Variants in NDUFAF6 observed in about 807,000 individuals in gnomAD.
The protein encoded by NDUFAF6 is NADH:ubiquinone oxidoreductase complex assembly factor 6.
NDUFAF6 carries 45 observed loss-of-function variants against 40.8 expected under a neutral mutation model. The observed-to-expected ratio is 1.10, with a 90% CI of 0.87 to 1.42. The LOEUF (loss-of-function observed/expected upper bound fraction) is 1.42. NDUFAF6 is among the 40% of genes most tolerant of loss of function. The pLI, the probability that NDUFAF6 is intolerant of heterozygous loss-of-function variation, is 0.00. For missense variants in NDUFAF6, 435 were observed against 418.5 expected (o/e 1.04, Z -0.34); for synonymous variants, 185 against 155.9 (o/e 1.19, Z -1.39).
chr8:94,922,383 C>T (rs1819562919), intron 1 of NDUFAF6, among the ~76,000 whole-genome samples: 1 of 152,008 alleles, frequency 6.6e-6, no homozygotes, highest in Admixed American at 6.6e-5. Flanking sequence ...TAGGGCCTAG[C>T]TGCTCATGGC....
At chr8:94,955,818 A>G (rs993020337), upstream of NDUFAF6, among the ~76,000 whole-genome samples, 5 of 152,164 alleles carry the variant, frequency 3.3e-5, no homozygotes, top group South Asian at 6.2e-4. Context: ...ATTTGTGCCT[A>G]CCTAACCTGC....
At chr8:95,031,269 C>T (rs979036355) in intron 1 of NDUFAF6, among the ~76,000 whole-genome samples, 1 of 152,198 alleles carries the variant, frequency 6.6e-6, no homozygotes, top group Non-Finnish European at 1.5e-5. Flanking sequence ...GCTCTTTCAG[C>T]AGGTGCTGCA....
chr8:95,008,803 C>T (rs1827110971), intron 2 of NDUFAF6, among the ~76,000 whole-genome samples: 1 of 152,210 alleles, frequency 6.6e-6, no homozygotes, highest in African/African-American at 2.4e-5. Context: ...ACCACTGTGC[C>T]TGGCTAAACT....
At chr8:95,106,004 G>A (rs188338345), downstream of NDUFAF6, among the ~76,000 whole-genome samples, 13 of 152,042 alleles carry the variant, frequency 8.6e-5, no homozygotes, top group Admixed American at 2.6e-4. Context: ...GACCAGGTGC[G>A]GTGGCTCATG....
rs7818382 is a variant in NDUFAF6 at position 95,041,772 on chromosome 8, C to T, written c.477+146C>T. The T allele has an allele frequency of 0.47, 336,715 of 711,900 alleles. 82,625 individuals carry two copies. The highest frequency in any genetic ancestry group is 0.69 in the East Asian group (25,121 of 36,558). 44.1% of individuals were successfully genotyped at this position (711,900 alleles called of 1,614,324 possible). ...ATTATGCCATTTTATTCATACTTTA[C>T]CCTTGCATGCTACCCCCCATACCCT... On this transcript the variant is annotated intron_variant, in intron 4 of 8. Coordinates refer to ENST00000396124, the MANE Select transcript of NDUFAF6 (RefSeq NM_152416.4).
chr8:95,090,749 G>A (rs867366510), intron 2 of NDUFAF6, among the ~76,000 whole-genome samples: 12 of 152,150 alleles, frequency 7.9e-5, no homozygotes, highest in African/African-American at 2.7e-4. Flanking sequence ...TGGTGGGCTG[G>A]GGAAAGCAGA....
chr8:94,993,701 T>A (rs149404076), intron 2 of NDUFAF6, among the ~76,000 whole-genome samples: 1,537 of 152,268 alleles, frequency 0.01, 28 homozygotes, highest in African/African-American at 0.035. Flanking sequence ...ATCATCTGAC[T>A]GCAATTGCAT....
intron 1 of NDUFAF6, among the ~76,000 whole-genome samples, chr8:95,031,240 G>A (rs1828801927): frequency 6.6e-6 from 1 of 152,182 alleles, no homozygotes; most frequent in African/African-American, 2.4e-5. Flanking sequence ...GTGGGGGCTG[G>A]GGGCATTATT....
intron 1 of NDUFAF6, among the ~76,000 whole-genome samples, chr8:94,914,992 T>A (rs1387109013): frequency 6.6e-6 from 1 of 152,066 alleles, no homozygotes; most frequent in African/African-American, 2.4e-5. Flanking sequence ...GATGCTGAGG[T>A]TTGGGCTTTG....
chr8:94,927,165 C>T (rs2131294631), intron 1 of NDUFAF6: 1 of 152,744 alleles, frequency 6.5e-6, no homozygotes, highest in Admixed American at 6.5e-5. Flanking sequence ...TATCTGTCTT[C>T]TAGTTGGAGT....
chr8:94,978,476 G>A (rs543443776), intron 1 of NDUFAF6, among the ~76,000 whole-genome samples: 2 of 152,106 alleles, frequency 1.3e-5, no homozygotes, highest in South Asian at 4.1e-4. Context: ...AACATTTTGG[G>A]AGGCCAAGGT....
chr8:95,098,783 C>T (rs1020702507), upstream of NDUFAF6, among the ~76,000 whole-genome samples: 1 of 151,720 alleles, frequency 6.6e-6, no homozygotes, highest in South Asian at 2.1e-4. Flanking sequence ...ATTAGCTGGG[C>T]GTGTGGCACG....
chr8:95,102,314 CTA>C (rs1340645423), intron 2 of NDUFAF6, among the ~76,000 whole-genome samples: 1 of 152,178 alleles, frequency 6.6e-6, no homozygotes, highest in Non-Finnish European at 1.5e-5. Flanking sequence ...GAATTATTAA[CTA>C]TTAACAGGGG....
chr8:95,056,315 A>T (rs1001692072), intron 8 of NDUFAF6, among the ~76,000 whole-genome samples: 1 of 151,528 alleles, frequency 6.6e-6, no homozygotes, highest in Non-Finnish European at 1.5e-5. Flanking sequence ...GGCTCAAGAC[A>T]TCCTCCCACC....
intron 4 of NDUFAF6, among the ~76,000 whole-genome samples, chr8:95,111,450 G>T (rs1041924472): frequency 2.0e-5 from 3 of 152,214 alleles, no homozygotes; most frequent in Admixed American, 6.5e-5. Flanking sequence ...TTTACTTGGT[G>T]TTTATAAAGT....
At chr8:94,955,493 TG>T (rs1822997755), upstream of NDUFAF6, among the ~76,000 whole-genome samples, 1 of 152,226 alleles carries the variant, frequency 6.6e-6, no homozygotes, top group South Asian at 2.1e-4. Context: ...ACTGTTGCAT[TG>T]GGGATTTAGT....
At chr8:94,948,818 C>G (rs1485782667) in intron 2 of NDUFAF6, among the ~76,000 whole-genome samples, 1 of 152,094 alleles carries the variant, frequency 6.6e-6, no homozygotes, top group African/African-American at 2.4e-5. Context: ...GCCAAGAAAA[C>G]AAGCCACGCT....
chr8:94,962,270 C>T (rs1823639750), intron 1 of NDUFAF6, among the ~76,000 whole-genome samples: 1 of 152,208 alleles, frequency 6.6e-6, no homozygotes, highest in South Asian at 2.1e-4. Flanking sequence ...GGGTCTCTGA[C>T]GGTCCTAGGT....
chr8:94,980,636 T>TGG (rs781696379), intron 1 of NDUFAF6, among the ~76,000 whole-genome samples: 11 of 27,512 alleles, frequency 4.0e-4, no homozygotes, highest in African/African-American at 1.2e-3. Flanking sequence ...AGTAGGGGGG[T>TGG]GGGGGGGTCT....
Sources: gnomAD v4.1 joint callset for allele counts (sites outside exome capture counted in the v4.1 genomes callset) on GRCh38, gnomAD v4.1.1 for gene constraint, MANE v1.5 for transcripts, NCBI Gene and HGNC (gene_info 2026-07-23, HGNC 2026-07-21) for gene names.